PCDH10: variants seen among roughly 807,000 people sequenced by gnomAD.
PCDH10 encodes protocadherin-10.
Under a neutral mutation model 74.4 loss-of-function variants are expected in PCDH10, and 15 were observed. The ratio of observed to expected loss-of-function variants is 0.20; its 90% confidence interval spans 0.13 to 0.31. The LOEUF (loss-of-function observed/expected upper bound fraction) is 0.31, where lower values mean the gene tolerates loss of function less well. PCDH10 is among the 10% of genes least tolerant of loss of function. The probability of loss-of-function intolerance (pLI) is 1.00; values close to 1 mark genes in which losing one functional copy is unlikely to be tolerated. For missense variants in PCDH10, 1,260 were observed against 1,390.2 expected, an observed-to-expected ratio of 0.91 and a Z score of 1.49; for synonymous variants, 619 against 589.8, an observed-to-expected ratio of 1.05 and a Z score of -0.72.
Position 133,149,668 on chromosome 4 carries a change from GCCAACAGCATCT to G in PCDH10, c.-470_-459del, listed in dbSNP as rs954727723. On this transcript the variant is annotated 5_prime_UTR_variant, in exon 1 of 5. Coordinates refer to ENST00000264360, the MANE Select transcript of PCDH10 (RefSeq NM_032961.3). ...GACATTAAGAGGCATGTTTAACGGT[GCCAACAGCATCT>G]CCTTTTCCTTCTCCTCTTCCTCTTC... The G allele has an allele frequency of 2.6e-5, 4 of 156,802 alleles. No individual in the cohort carries two copies. The highest frequency in any genetic ancestry group is 9.6e-5 in the African/African-American group (4 of 41,504). 9.7% of individuals were successfully genotyped at this position (156,802 alleles called of 1,614,324 possible).
At chr4:133,195,301 G>A (rs1341332314), downstream of PCDH10, among the ~76,000 whole-genome samples, 2 of 151,990 alleles carry the variant, frequency 1.3e-5, no homozygotes, top group African/African-American at 2.4e-5. Flanking sequence ...CATTTTATAA[G>A]GCAACAAGTT....
At chr4:133,170,559 CTT>C (rs1430889987) in intron 4 of PCDH10, among the ~76,000 whole-genome samples, 1 of 152,112 alleles carries the variant, frequency 6.6e-6, no homozygotes, top group African/African-American at 2.4e-5. Context: ...ATCGAACAGA[CTT>C]TGATTATGTG....
chr4:133,165,794 A>T (rs1280415691), intron 4 of PCDH10, among the ~76,000 whole-genome samples: 1 of 151,756 alleles, frequency 6.6e-6, no homozygotes, highest in Non-Finnish European at 1.5e-5. Context: ...ATGCTTAAAA[A>T]TACAAAAGAG....
chr4:133,174,200 A>T (rs1353807440), intron 4 of PCDH10, among the ~76,000 whole-genome samples: 3 of 151,924 alleles, frequency 2.0e-5, no homozygotes, highest in Non-Finnish European at 4.4e-5. Flanking sequence ...CCAAAGTCAT[A>T]ATTGCCTACT....
chr4:133,152,123 C>T lies in PCDH10; in HGVS notation c.1983C>T (p.Arg661=), dbSNP rs1560703687. 1 of 1,567,010 alleles carries T rather than the reference C, an allele frequency of 6.4e-7. No individual in the cohort carries two copies. The highest frequency in any genetic ancestry group is 8.6e-7 in the Non-Finnish European group (1 of 1,157,126). The change falls in exon 1 of 5, where the codon CGC becomes CGT. Residue 661 remains arginine, a synonymous_variant. Transcript: ENST00000264360. ...QRPYELVIEV[R]DHGQPPLSST... Reference sequence around the variant, plus strand: ...CTTATGAGCTGGTGATCGAGGTGCGCGACCATGGGCAGCCGCCCCTTTCCT... The same window carrying T: ...CTTATGAGCTGGTGATCGAGGTGCGTGACCATGGGCAGCCGCCCCTTTCCT...
intron 2 of PCDH10, 86 bp from the exon 3 acceptor site, chr4:133,154,831 C>T: frequency 2.2e-6 from 2 of 920,472 alleles, no homozygotes; most frequent in East Asian, 4.9e-5. Flanking sequence ...GTCTGCAGCA[C>T]CATCTGTGAC....
intron 3 of PCDH10, among the ~76,000 whole-genome samples, chr4:133,159,018 CAT>C (rs1726915328): frequency 1.3e-5 from 2 of 151,834 alleles, no homozygotes; most frequent in South Asian, 4.1e-4. Flanking sequence ...TTTTCTAAAA[CAT>C]ACTGCAATTT....
rs756000920 is a variant in PCDH10, at chr4:133,187,685, C to T, written c.3104-2456C>T. Reference sequence around the variant, plus strand: ...TAGGTGAACTTTAAAAAAGAAAACACGTAACTCTAAGCAGCAATTAAAAGA... The same window carrying T: ...TAGGTGAACTTTAAAAAAGAAAACATGTAACTCTAAGCAGCAATTAAAAGA... On this transcript the variant is annotated intron_variant, in intron 4 of 4. Coordinates refer to ENST00000264360, the MANE Select transcript of PCDH10 (RefSeq NM_032961.3). 3.3e-5 allele frequency among the ~76,000 whole-genome samples: 5 copies of T among 152,006 alleles called. No individual in the cohort carries two copies. The East Asian group carries it at 7.7e-4, about 24-fold the overall frequency.
At chr4:133,162,083 A>G (rs563667295) in intron 3 of PCDH10, among the ~76,000 whole-genome samples, 8 of 152,208 alleles carry the variant, frequency 5.3e-5, no homozygotes, top group African/African-American at 1.9e-4. Context: ...TCTAAGGAAG[A>G]CAATGAAATT....
Position 133,151,941 on chromosome 4 carries a change from A to G in PCDH10, c.1801A>G (p.Thr601Ala). 6.2e-7 allele frequency: 1 copy of G among 1,612,260 alleles called. No homozygotes were observed. The highest frequency in any genetic ancestry group is 8.5e-7 in the Non-Finnish European group (1 of 1,179,658). Residue 601 changes from threonine (T) to alanine (A), a missense_variant, in exon 1 of 5, where the codon ACC (threonine) becomes GCC (alanine). Around this residue, in one of 11 missense-constraint regions of PCDH10, gnomAD observed 587 missense variants for 616.9 expected, o/e 0.95. Coordinates refer to ENST00000264360, the MANE Select transcript of PCDH10 (RefSeq NM_032961.3). ...PRSAEPGYLL[T>A]RVAAVDADDG... ...CTCGGCGGAGCCGGGTTACCTGCTC[A>G]CCCGCGTGGCCGCCGTGGACGCGGA... is the stretch of plus-strand genomic sequence containing the variant.
Position 133,190,321 on chromosome 4 carries a change from G to A in PCDH10, c.*161G>A, listed in dbSNP as rs1727634009. On this transcript the variant is annotated 3_prime_UTR_variant, in exon 5 of 5. Coordinates refer to ENST00000264360, the MANE Select transcript of PCDH10 (RefSeq NM_032961.3). ...TCATGGCCAATTATAGGACCTAATT[G>A]CTCTCAGCAGGCCTGAGAAATGAGT... 1.5e-6 allele frequency: 1 copy of A among 674,382 alleles called. No individual in the cohort carries two copies. The highest frequency in any genetic ancestry group is 2.7e-6 in the Non-Finnish European group (1 of 370,186). The allele number at this position is 674,382 out of a possible 1,614,324, so 41.8% of individuals were successfully genotyped here. A position where few individuals can be genotyped will look rare whatever the true frequency, so the allele number is the denominator to read the frequency against.
chr4:133,181,958 A>G (rs915459963), intron 4 of PCDH10, among the ~76,000 whole-genome samples: 1 of 152,028 alleles, frequency 6.6e-6, no homozygotes, highest in Admixed American at 6.6e-5. Flanking sequence ...TTATTTTGAA[A>G]CTTTACCCTT....
intron 2 of PCDH10, among the ~76,000 whole-genome samples, chr4:133,205,801 A>G (rs1003849014): frequency 2.0e-5 from 3 of 151,968 alleles, no homozygotes; most frequent in Non-Finnish European, 4.4e-5. Context: ...TTGAATTCTA[A>G]GAGTTCTTCT....
intron 2 of PCDH10, among the ~76,000 whole-genome samples, chr4:133,199,883 C>T (rs1727868422): frequency 6.6e-6 from 1 of 150,586 alleles, no homozygotes; most frequent in Non-Finnish European, 1.5e-5. Flanking sequence ...CTGCAAGTTC[C>T]GCCTCCCGAG....
At chr4:133,179,817 A>G (rs878872566) in intron 4 of PCDH10, among the ~76,000 whole-genome samples, 1 of 152,120 alleles carries the variant, frequency 6.6e-6, no homozygotes. Flanking sequence ...ACGCTCATAA[A>G]TGCTTATAGA....
chr4:133,162,948 C>G, intron 3 of PCDH10, 29 bp from the exon 4 acceptor site: 1 of 1,573,932 alleles, frequency 6.4e-7, no homozygotes, highest in South Asian at 1.1e-5. Context: ...GTGAAGACTA[C>G]ATCCGTAGTT....
rs144922226 is a variant in PCDH10 at position 133,157,277 on chromosome 4, T to C, written c.2797+2254T>C. Among the ~76,000 whole-genome samples the C allele has an allele frequency of 2.0e-3, 306 of 152,316 alleles. No individual in the cohort carries two copies. In the Middle Eastern group the frequency reaches 0.02, roughly 10 times the overall value. ...TTGTAAGAATAATTTTGAAGTGTTT[T>C]CTTTTTTAAGTATAAAACCTCAAAT... On this transcript the variant is annotated intron_variant, in intron 3 of 4. Coordinates refer to ENST00000264360, the MANE Select transcript of PCDH10 (RefSeq NM_032961.3).
intron 4 of PCDH10, among the ~76,000 whole-genome samples, chr4:133,175,958 G>A (rs903664352): frequency 1.3e-5 from 2 of 152,186 alleles, no homozygotes; most frequent in East Asian, 1.9e-4. Flanking sequence ...GCTTTAAAAT[G>A]TGCCTGAAGC....
chr4:133,170,219 T>C (rs1000397816), intron 4 of PCDH10, among the ~76,000 whole-genome samples: 3 of 152,106 alleles, frequency 2.0e-5, no homozygotes, highest in African/African-American at 7.2e-5. Flanking sequence ...ACTCGTACCT[T>C]ATATAGCATC....
Sources: allele counts gnomAD v4.1 joint callset (sites outside exome capture counted in the v4.1 genomes callset), GRCh38; gene constraint gnomAD v4.1.1; regional missense constraint gnomAD v4.1.1; transcripts MANE v1.5; gene names NCBI Gene and HGNC (gene_info 2026-07-23, HGNC 2026-07-21).